The following SLC43A2 variants were observed in gnomAD, a reference collection of about 807,000 sequenced individuals.
SLC43A2 encodes the protein large neutral amino acids transporter small subunit 4.
A neutral mutation model predicts 63.2 loss-of-function variants in SLC43A2; 38 were observed. That is an observed-to-expected ratio of 0.60 (90% CI 0.46 to 0.79). SLC43A2 has a LOEUF of 0.79. SLC43A2 is among the 30% of genes least tolerant of loss of function. The probability of loss-of-function intolerance (pLI) is 0.00; values close to 1 mark genes in which losing one functional copy is unlikely to be tolerated. For synonymous variants in SLC43A2, 322 were observed against 331.0 expected (o/e 0.97, Z 0.30); for missense variants, 644 against 756.2 (o/e 0.85, Z 1.74).
rs1379177323 is a variant in SLC43A2 at position 1,583,281 on chromosome 17, T to C, written c.1273A>G (p.Met425Val). 2 of 1,614,204 alleles carry C rather than the reference T, an allele frequency of 1.2e-6. No homozygotes were observed. The highest frequency in any genetic ancestry group is 1.3e-5 in the African/African-American group (1 of 75,072). ...DRQIQKITNA[M>V]RAFAFTNLLL... ...AGGTTGGTGAAGGCGAAGGCCCGCA[T>C]GGCATTAGTGATCTTCTGGATCTGC... Residue 425 changes from methionine (M) to valine (V), a missense_variant, in exon 11 of 14, where the codon ATG (methionine) becomes GTG (valine). Met to Val is a conservative substitution (Grantham distance 21, BLOSUM62 1). This residue lies in a region of SLC43A2 where 528 missense variants were observed against 623.6 expected (regional missense o/e 0.85). Coordinates refer to ENST00000301335, the MANE Select transcript of SLC43A2 (RefSeq NM_152346.3). This position sits in a 1 kb window ranked among gnomAD's most constrained non-coding sequence, Gnocchi z 5.5.
chr17:1,615,676 TACTAAAAATACAAA>T (rs1907556529), intron 3 of SLC43A2, among the ~76,000 whole-genome samples: 1 of 149,378 alleles, frequency 6.7e-6, no homozygotes, highest in Non-Finnish European at 1.5e-5. Flanking sequence ...ACCCCGTCTC[TACTAAAAATACAAA>T]AAATTAGCCG....
intron 2 of SLC43A2, among the ~76,000 whole-genome samples, chr17:1,626,029 C>G (rs1175763622): frequency 6.6e-6 from 1 of 150,420 alleles, no homozygotes; most frequent in Non-Finnish European, 1.5e-5. Context: ...AAACAAAAAA[C>G]AAACAAAAAA....
intron 9 of SLC43A2, among the ~76,000 whole-genome samples, chr17:1,587,835 T>G (rs1466737103): frequency 1.3e-5 from 2 of 152,156 alleles, no homozygotes; most frequent in Non-Finnish European, 2.9e-5. Context: ...GTAGGACAGG[T>G]GGCCCCTGAC....
intron 5 of SLC43A2, chr17:1,604,514 G>A: frequency 1.7e-6 from 1 of 576,514 alleles, no homozygotes; most frequent in Non-Finnish European, 3.1e-6. Flanking sequence ...GCAACCTGGG[G>A]GTCCCTCACC....
chr17:1,609,017 A>G (rs185135313), intron 5 of SLC43A2, among the ~76,000 whole-genome samples: 3 of 152,322 alleles, frequency 2.0e-5, no homozygotes, highest in Admixed American at 6.5e-5. Context: ...CAATTCACAG[A>G]AGAAATGCAA....
intron 5 of SLC43A2, among the ~76,000 whole-genome samples, chr17:1,611,361 G>A (rs1045072478): frequency 6.6e-6 from 1 of 152,048 alleles, no homozygotes; most frequent in Non-Finnish European, 1.5e-5. Flanking sequence ...TCGGCCGAGC[G>A]CCGTGGCTCA....
chr17:1,584,763 T>C (rs1025215874), intron 10 of SLC43A2, among the ~76,000 whole-genome samples: 5 of 150,046 alleles, frequency 3.3e-5, no homozygotes, highest in African/African-American at 9.8e-5. Flanking sequence ...GAGGTTGCAG[T>C]GAGCCGAGAT....
rs1010280056 is a variant in SLC43A2, at chr17:1,613,271, G to C, written c.425C>G (p.Ala142Gly). ...GGCGATGAAGATGAGCACGGAGAGA[G>C]CTGCAGGGACATGGAAAGCTCGTGA... ...LIAYGASKPNALSVLIFIALA... is the reference protein window; with the variant it reads ...LIAYGASKPNGLSVLIFIALA... Residue 142 changes from alanine to glycine, a missense_variant and splice_region_variant, in exon 5 of 14, where the codon GCT (alanine) becomes GGT (glycine). Physicochemically the swap from Ala to Gly is moderately conservative, Grantham distance 60. Transcript: ENST00000301335. 2.5e-6 allele frequency: 4 copies of C among 1,614,110 alleles called. No homozygotes were observed. The Admixed American group carries it at 5.0e-5, about 20-fold the overall frequency.
intron 2 of SLC43A2, among the ~76,000 whole-genome samples, chr17:1,619,827 G>C (rs990549563): frequency 6.6e-6 from 1 of 152,232 alleles, no homozygotes; most frequent in African/African-American, 2.4e-5. Context: ...GATGGAGAGA[G>C]CACGCCAGGG....
At chr17:1,624,963 G>A (rs1428743795) in intron 2 of SLC43A2, among the ~76,000 whole-genome samples, 1 of 152,140 alleles carries the variant, frequency 6.6e-6, no homozygotes, top group Non-Finnish European at 1.5e-5. Flanking sequence ...TTGAAGCGGG[G>A]GCCACTGGAC....
In SLC43A2 at chr17:1,577,236, C is replaced by A. The variant is rs1397434377; in HGVS notation, c.1425-516G>T. Among the ~76,000 whole-genome samples the A allele has an allele frequency of 6.6e-6, 1 of 152,176 alleles. No homozygotes were observed. Among genetic ancestry groups the A allele is most frequent in the South Asian group, 2.1e-4 (1 of 4,834 alleles). On this transcript the variant is annotated intron_variant, in intron 12 of 13. Coordinates refer to ENST00000301335, the MANE Select transcript of SLC43A2 (RefSeq NM_152346.3). This position sits in a 1 kb window ranked among gnomAD's most constrained non-coding sequence, Gnocchi z 4.9. The stretch of plus-strand genomic sequence containing the variant: ...CCCAGACTCTGGGGAGGGCCCACCC[C>A]ACTCAGCTGTGCCCAGGGCCTGTGG...
chr17:1,622,426 G>A (rs375752395), intron 2 of SLC43A2, among the ~76,000 whole-genome samples: 52 of 152,184 alleles, frequency 3.4e-4, no homozygotes, highest in Admixed American at 9.2e-4. Context: ...TTAGCCAGGC[G>A]TGGTGGCGGG....
At chr17:1,582,078 T>C (rs2076026388) in intron 11 of SLC43A2, among the ~76,000 whole-genome samples, 1 of 149,844 alleles carries the variant, frequency 6.7e-6, no homozygotes, top group Admixed American at 6.7e-5. Context: ...GTGTTTTGGT[T>C]TTTTTTGGTT....
chr17:1,627,890 G>A lies in SLC43A2; in HGVS notation c.-16C>T, dbSNP rs4790241. The A allele has an allele frequency of 3.3e-6, 5 of 1,530,636 alleles. No homozygotes were observed. The Admixed American group carries it at 6.1e-5, about 19-fold the overall frequency. 94.8% of individuals were successfully genotyped at this position (1,530,636 alleles called of 1,614,324 possible). On this transcript the variant is annotated 5_prime_UTR_variant, in exon 2 of 14. Transcript: ENST00000301335. Reference sequence around the variant, plus strand: ...TGGGCGCCATGGTGCGGCGCGGCGCGGCTCCGGCTCCGGCTCCGGCTCTGC... The same window carrying A: ...TGGGCGCCATGGTGCGGCGCGGCGCAGCTCCGGCTCCGGCTCCGGCTCTGC...
chr17:1,610,990 A>G (rs1907045967), intron 5 of SLC43A2, among the ~76,000 whole-genome samples: 1 of 151,622 alleles, frequency 6.6e-6, no homozygotes, highest in Non-Finnish European at 1.5e-5. Context: ...CCAGGGACCC[A>G]CCACTGTGCC....
intron 11 of SLC43A2, among the ~76,000 whole-genome samples, chr17:1,579,818 T>C (rs1228770053): frequency 6.6e-6 from 1 of 151,964 alleles, no homozygotes; most frequent in Admixed American, 6.6e-5. Context: ...GCCTGGCTGA[T>C]GGGAGTGAGA....
At chr17:1,596,047 G>A (rs1049349578) in intron 5 of SLC43A2, among the ~76,000 whole-genome samples, 10 of 152,144 alleles carry the variant, frequency 6.6e-5, no homozygotes, top group East Asian at 1.9e-4. Flanking sequence ...AGAGCCGGGC[G>A]CGGTGGCTCA....
intron 5 of SLC43A2, among the ~76,000 whole-genome samples, chr17:1,612,820 A>G (rs1907246164): frequency 6.6e-6 from 1 of 152,152 alleles, no homozygotes; most frequent in Non-Finnish European, 1.5e-5. Flanking sequence ...AAAAATACAA[A>G]AATTAGCCGG....
At chr17:1,597,086 C>G (rs1905358411) in intron 5 of SLC43A2, among the ~76,000 whole-genome samples, 1 of 152,034 alleles carries the variant, frequency 6.6e-6, no homozygotes, top group East Asian at 1.9e-4. Flanking sequence ...TATGGTGGAA[C>G]ATGCCTGTAA....
Sources: gnomAD v4.1 joint callset for allele counts (sites outside exome capture counted in the v4.1 genomes callset) on GRCh38, gnomAD v4.1.1 for gene constraint, gnomAD v4.1.1 regional missense constraint, Gnocchi (gnomAD v3.1) non-coding constraint, MANE v1.5 for transcripts, NCBI Gene and HGNC (gene_info 2026-07-23, HGNC 2026-07-21) for gene names.